Variants in TTLL9 observed in about 807,000 individuals in gnomAD.
TTLL9 encodes probable tubulin polyglutamylase TTLL9.
In TTLL9, 47 loss-of-function variants were observed where a neutral mutation model predicts 65.6. The observed-to-expected ratio is 0.72, with a 90% CI of 0.57 to 0.91. The LOEUF (loss-of-function observed/expected upper bound fraction) is 0.91, where lower values mean the gene tolerates loss of function less well. Among genes scored for constraint, TTLL9 ranks in the 40% least tolerant of loss-of-function variants. TTLL9 has a pLI of 0.00. For missense variants in TTLL9, 537 were observed against 568.8 expected (o/e 0.94, Z 0.57); for synonymous variants, 179 against 204.8 (o/e 0.87, Z 1.07).
chr20:31,923,053 G>C lies in TTLL9; in HGVS notation c.664G>C (p.Gly222Arg). The change falls in exon 8 of 15, where the codon GGC becomes CGC. Residue 222 changes from glycine (G) to arginine (R), a missense_variant and splice_region_variant. By Grantham distance (125) the Gly-to-Arg change is moderately radical. Transcript: ENST00000535842. ...RYIENPYLIG[G>R]RKFDLRVYVL... is the part of the protein sequence containing the mutation. ...CATTGAAAATCCTTACCTGATAGGA[G>C]GTGAGATGGCTGTGTCTGCTCCTGC... 1.9e-6 allele frequency: 3 copies of C among 1,610,372 alleles called. No individual in the cohort carries two copies. The South Asian group carries it at 3.3e-5, about 18-fold the overall frequency.
intron 2 of TTLL9, 135 bp from the exon 3 acceptor site, chr20:31,887,061 T>C (rs1018088924): frequency 1.8e-5 from 15 of 839,764 alleles, no homozygotes; most frequent in Non-Finnish European, 2.9e-5. Context: ...TTGATCAGGC[T>C]GGACCTTCGT....
chr20:31,909,284 C>T (rs1299319829), intron 5 of TTLL9, among the ~76,000 whole-genome samples: 1 of 151,780 alleles, frequency 6.6e-6, no homozygotes, highest in Non-Finnish European at 1.5e-5. Context: ...GCTGAGATTA[C>T]AGGTGCTCAC....
chr20:31,873,589 G>A lies in TTLL9; in HGVS notation c.69+2394G>A, dbSNP rs140807536. ...GGGAGGATTGCTTGAGGTTGAGGCTGCAGTGACCTGTGATCACATCACTGT... is the reference window on the plus strand; with the variant it reads ...GGGAGGATTGCTTGAGGTTGAGGCTACAGTGACCTGTGATCACATCACTGT... On this transcript the variant is annotated intron_variant, in intron 2 of 14. Transcript: ENST00000535842. 4.7e-3 allele frequency among the ~76,000 whole-genome samples: 716 copies of A among 151,354 alleles called. 3 individuals carry two copies. The highest frequency in any genetic ancestry group is 0.01 in the Middle Eastern group (3 of 294).
rs779252725 is a variant in TTLL9 at position 31,898,514 on chromosome 20, A to G, written c.155A>G (p.Asn52Ser). ...ATCCGGTTCAAGACCACCCTCATGA[A>G]CACACTCATGGACGTCCTTCGCCAC... ...ASIRFKTTLM[N>S]TLMDVLRHRP... The change falls in exon 4 of 15, where the codon AAC (asparagine) becomes AGC (serine). Residue 52 changes from asparagine to serine, a missense_variant. Physicochemically the swap from Asn to Ser is conservative, Grantham distance 46 (BLOSUM62 1). Transcript: ENST00000535842. 1 of 1,614,180 alleles carries G rather than the reference A, an allele frequency of 6.2e-7. No individual in the cohort carries two copies. Among genetic ancestry groups the G allele is most frequent in the Non-Finnish European group, 8.5e-7 (1 of 1,180,024 alleles).
chr20:31,877,008 C>T (rs1375479327), intron 2 of TTLL9, among the ~76,000 whole-genome samples: 2 of 152,128 alleles, frequency 1.3e-5, no homozygotes, highest in African/African-American at 4.8e-5. Flanking sequence ...GTTTCTTCTG[C>T]TGAAAATTCC....
chr20:31,884,871 C>A (rs2063166470), intron 2 of TTLL9, among the ~76,000 whole-genome samples: 1 of 152,196 alleles, frequency 6.6e-6, no homozygotes, highest in African/African-American at 2.4e-5. Context: ...TTCTAGGGAT[C>A]AGGACATGGA....
intron 3 of TTLL9, among the ~76,000 whole-genome samples, chr20:31,887,819 G>T (rs1440757426): frequency 7.2e-6 from 1 of 139,332 alleles, no homozygotes; most frequent in East Asian, 2.1e-4. Flanking sequence ...AAATGTTTTA[G>T]ATAGTTTATT....
chr20:31,871,355 C>T (rs530774689), intron 2 of TTLL9, among the ~76,000 whole-genome samples, 160 bp downstream of exon 2: 5 of 152,296 alleles, frequency 3.3e-5, no homozygotes, highest in Admixed American at 6.5e-5. Flanking sequence ...GGAAAGTCCC[C>T]GTGACCCCCA....
intron 3 of TTLL9, among the ~76,000 whole-genome samples, chr20:31,888,669 G>T (rs2063233436): frequency 6.6e-6 from 1 of 152,036 alleles, no homozygotes; most frequent in South Asian, 2.1e-4. Context: ...AAGAAAAGAG[G>T]TGTAATTGGC....
intron 6 of TTLL9, among the ~76,000 whole-genome samples, chr20:31,914,643 A>G (rs2063707021): frequency 6.6e-6 from 1 of 152,236 alleles, no homozygotes; most frequent in Non-Finnish European, 1.5e-5. Flanking sequence ...GGAGAGAATC[A>G]GGCCTCCAAG....
rs759530531 is a variant in TTLL9 at position 31,898,478 on chromosome 20, A to C, written c.119A>C (p.Gln40Pro). ...TTCATTGCCTTGTCTTGCAGAGAGC[A>C]GAGAGCATCGATCCGGTTCAAGACC... ...HGLSKGKERE[Q>P]RASIRFKTTL... The change falls in exon 4 of 15, where the codon CAG becomes CCG. Residue 40 changes from glutamine (Q) to proline (P), a missense_variant. Physicochemically the swap from Gln to Pro is moderately conservative, Grantham distance 76. This residue lies in a region of TTLL9 where 320 missense variants were observed against 311.0 expected (regional missense o/e 1.03). Coordinates refer to ENST00000535842, the MANE Select transcript of TTLL9 (RefSeq NM_001008409.5). The C allele has an allele frequency of 1.2e-6, 2 of 1,614,010 alleles. No homozygotes were observed. Among genetic ancestry groups the C allele is most frequent in the Admixed American group, 3.3e-5 (2 of 60,010 alleles).
rs2063232274 is a variant in TTLL9 at position 31,888,567 on chromosome 20, G to A, written c.113+1328G>A. On this transcript the variant is annotated intron_variant, in intron 3 of 14. Coordinates refer to ENST00000535842, the MANE Select transcript of TTLL9 (RefSeq NM_001008409.5). The stretch of plus-strand genomic sequence containing the variant: ...GCTCACTGCAACCTCTGCCTCCTGG[G>A]TTCAAGCGATTCTGCTGCCTCAGCC... Among the ~76,000 whole-genome samples the A allele has an allele frequency of 5.3e-5, 8 of 152,086 alleles. No individual in the cohort carries two copies. The South Asian group carries it at 1.7e-3, about 32-fold the overall frequency.
At chr20:31,901,622 T>G (rs1028234295) in intron 4 of TTLL9, among the ~76,000 whole-genome samples, 2 of 152,158 alleles carry the variant, frequency 1.3e-5, no homozygotes, top group Non-Finnish European at 2.9e-5. Flanking sequence ...CTTCTTTCCT[T>G]CCGCCCTGGC....
At chr20:31,873,824 G>GAAAGAAAGAA (rs1398667406) in intron 2 of TTLL9, among the ~76,000 whole-genome samples, 611 of 44,224 alleles carry the variant, frequency 0.014, 9 homozygotes, top group African/African-American at 0.056. Flanking sequence ...AAGGAAGGAA[G>GAAAGAAAGAA]AAAGAAAGAA....
In TTLL9 at chr20:31,943,281, G is replaced by T; in HGVS notation, c.*260G>T. 1 of 547,450 alleles carries T rather than the reference G, an allele frequency of 1.8e-6. No homozygotes were observed. 33.9% of individuals were successfully genotyped at this position (547,450 alleles called of 1,614,324 possible). A position where few individuals can be genotyped will look rare whatever the true frequency, so the allele number is the denominator to read the frequency against. ...TTAACCTTGACAAACTGACTTGGCA[G>T]TTAGGCCCAAAGAGAACAAATACAG... On this transcript the variant is annotated 3_prime_UTR_variant, in exon 15 of 15. Transcript: ENST00000535842.
At chr20:31,908,965 A>C (rs971813507) in intron 5 of TTLL9, among the ~76,000 whole-genome samples, 3 of 151,816 alleles carry the variant, frequency 2.0e-5, no homozygotes, top group Non-Finnish European at 4.4e-5. Context: ...GCAGGGTCTG[A>C]AGGGAGAGGA....
rs569354155 is a variant in TTLL9 at position 31,925,776 on chromosome 20, G to A, written c.706-273G>A. On this transcript the variant is annotated intron_variant, in intron 9 of 14. Transcript: ENST00000535842. The stretch of plus-strand genomic sequence containing the variant: ...TTTGGGAAAGACATAAGGGCACTCC[G>A]GGTGGAGGAAACGGTAGGTGCAAGA... The A allele has an allele frequency of 1.1e-4, 124 of 1,122,308 alleles. No individual in the cohort carries two copies. The South Asian group carries it at 1.1e-3, about 10-fold the overall frequency. 69.5% of individuals were successfully genotyped at this position (1,122,308 alleles called of 1,614,324 possible).
intron 13 of TTLL9, 43 bp downstream of exon 13, chr20:31,937,552 A>G: frequency 2.0e-6 from 3 of 1,507,166 alleles, no homozygotes; most frequent in East Asian, 2.3e-5. Flanking sequence ...GTACATGACA[A>G]CTGAGGCTCC....
intron 4 of TTLL9, among the ~76,000 whole-genome samples, chr20:31,905,888 C>T (rs1191283167): frequency 6.6e-6 from 1 of 152,076 alleles, no homozygotes; most frequent in Non-Finnish European, 1.5e-5. Flanking sequence ...ACAAAATTAG[C>T]TAAGCGTGGT....
Sources: allele counts gnomAD v4.1 joint callset (sites outside exome capture counted in the v4.1 genomes callset), GRCh38; gene constraint gnomAD v4.1.1; regional missense constraint gnomAD v4.1.1; transcripts MANE v1.5; gene names NCBI Gene and HGNC (gene_info 2026-07-23, HGNC 2026-07-21).